PJA2: variants seen among roughly 807,000 people sequenced by gnomAD.
PJA2 encodes praja ring finger ubiquitin ligase 2.
In PJA2, 25 loss-of-function variants were observed where a neutral mutation model predicts 69.3. That is an observed-to-expected ratio of 0.36 (90% CI 0.26 to 0.50). The LOEUF is 0.50. Ranked by LOEUF, PJA2 falls within the 20% of genes least tolerant of loss-of-function variation. The pLI is 0.96. For synonymous variants in PJA2, 308 were observed against 277.8 expected (o/e 1.11, Z -1.08); for missense variants, 809 against 830.2 (o/e 0.97, Z 0.31).
intron 1 of PJA2, among the ~76,000 whole-genome samples, chr5:109,407,068 G>A (rs1428915358): frequency 3.3e-5 from 5 of 152,146 alleles, no homozygotes; most frequent in Non-Finnish European, 5.9e-5. Context: ...GGAACTTTGG[G>A]GGAGATGAAA....
rs1761955106 is a variant in PJA2 at position 109,336,977 on chromosome 5, G to C, written c.*254C>G. The C allele has an allele frequency of 4.7e-6, 1 of 211,880 alleles. No individual in the cohort carries two copies. The highest frequency in any genetic ancestry group is 2.3e-5 in the African/African-American group (1 of 42,768). The allele number at this position is 211,880 out of a possible 1,614,324, so 13.1% of individuals were successfully genotyped here. On this transcript the variant is annotated 3_prime_UTR_variant, in exon 10 of 10. Coordinates refer to ENST00000361189, the MANE Select transcript of PJA2 (RefSeq NM_014819.5). Reference sequence around the variant, plus strand: ...TATTCTGGAGAGAGTCAACTGATAAGCTTGGCTTTACAATTAATACAAACA... The same window carrying C: ...TATTCTGGAGAGAGTCAACTGATAACCTTGGCTTTACAATTAATACAAACA...
chr5:109,364,546 C>A (rs1286363576), intron 5 of PJA2, among the ~76,000 whole-genome samples: 2 of 148,786 alleles, frequency 1.3e-5, no homozygotes, highest in African/African-American at 4.9e-5. Flanking sequence ...TGGCGTGAAC[C>A]CGGGAGGCGG....
intron 1 of PJA2, among the ~76,000 whole-genome samples, chr5:109,397,929 A>C (rs1483604723): frequency 3.3e-5 from 5 of 152,180 alleles, no homozygotes; most frequent in African/African-American, 7.2e-5. Context: ...TAATATCCAG[A>C]ATCTACAAAG....
chr5:109,354,202 A>ATGTC (rs1457254407), intron 7 of PJA2, among the ~76,000 whole-genome samples: 21 of 145,470 alleles, frequency 1.4e-4, no homozygotes, highest in South Asian at 4.5e-4. Flanking sequence ...ATATCTAGAG[A>ATGTC]TATCTATAGA....
intron 1 of PJA2, among the ~76,000 whole-genome samples, chr5:109,392,085 T>C (rs918993679): frequency 6.6e-6 from 1 of 152,070 alleles, no homozygotes; most frequent in African/African-American, 2.4e-5. Context: ...TGGGGGAAAA[T>C]TGACAAGGTG....
intron 1 of PJA2, among the ~76,000 whole-genome samples, chr5:109,389,569 A>T (rs1009512611): frequency 6.6e-6 from 1 of 151,860 alleles, no homozygotes; most frequent in African/African-American, 2.4e-5. Context: ...TCATTTTTTA[A>T]AAGTTTTCTT....
At chr5:109,394,027 C>T (rs1747345692) in intron 1 of PJA2, among the ~76,000 whole-genome samples, 1 of 140,014 alleles carries the variant, frequency 7.1e-6, no homozygotes, top group Non-Finnish European at 1.5e-5. Flanking sequence ...GTGCTAGTAA[C>T]ATTCTAATTC....
chr5:109,405,934 C>A (rs1326943204), intron 1 of PJA2, among the ~76,000 whole-genome samples: 1 of 148,982 alleles, frequency 6.7e-6, no homozygotes, highest in Admixed American at 6.7e-5. Flanking sequence ...AAAAAAAAAA[C>A]AAGCTTCAGA....
chr5:109,407,000 A>T (rs1561369141), intron 1 of PJA2, among the ~76,000 whole-genome samples: 1 of 152,218 alleles, frequency 6.6e-6, no homozygotes. Flanking sequence ...TTATAGCAAG[A>T]AAAAGATGAT....
intron 9 of PJA2, among the ~76,000 whole-genome samples, chr5:109,340,619 C>CAT (rs547793147): frequency 1.9e-3 from 1 of 522 alleles, no homozygotes; most frequent in African/African-American, 0.013. Context: ...TTATTGGGTC[C>CAT]CTCCCCCTCC....
intron 3 of PJA2, 45 bp from the exon 4 acceptor site, chr5:109,379,299 G>A (rs990002106): frequency 1.5e-6 from 2 of 1,364,522 alleles, no homozygotes; most frequent in Non-Finnish European, 2.0e-6. Context: ...GATTAACTTA[G>A]ATAAAATTTT....
intron 6 of PJA2, among the ~76,000 whole-genome samples, chr5:109,359,272 A>G (rs1256057496): frequency 6.6e-6 from 1 of 151,834 alleles, no homozygotes; most frequent in Non-Finnish European, 1.5e-5. Context: ...TCAACTGTTT[A>G]TTTTATTACA....
intron 1 of PJA2, among the ~76,000 whole-genome samples, chr5:109,391,070 G>T (rs1429870881): frequency 6.6e-6 from 1 of 152,106 alleles, no homozygotes; most frequent in Admixed American, 6.5e-5. Flanking sequence ...AGTTGAAAAT[G>T]CATTAAAGAC....
Position 109,379,138 on chromosome 5 carries a change from G to C in PJA2, c.349C>G (p.Gln117Glu). The C allele has an allele frequency of 6.2e-7, 1 of 1,614,108 alleles. No individual in the cohort carries two copies. Among genetic ancestry groups the C allele is most frequent in the Non-Finnish European group, 8.5e-7 (1 of 1,180,012 alleles). ...CTGTGATGTACTGCAACAAAGGATT[G>C]ACTGCTCTCAGTGGTTTGATTCAAT... is the stretch of plus-strand genomic sequence containing the variant. Reference protein sequence around the residue: ...SALNQTTESSQSFVAVHHSEE... With the variant: ...SALNQTTESSESFVAVHHSEE... Residue 117 changes from glutamine (Q) to glutamate (E), a missense_variant, in exon 4 of 10, where the codon CAA (glutamine) becomes GAA (glutamate). By Grantham distance (29) the Gln-to-Glu change is conservative. Coordinates refer to ENST00000361189, the MANE Select transcript of PJA2 (RefSeq NM_014819.5).
At chr5:109,386,121 A>C (rs1175180851) in intron 1 of PJA2, among the ~76,000 whole-genome samples, 1 of 133,766 alleles carries the variant, frequency 7.5e-6, no homozygotes, top group Non-Finnish European at 1.7e-5. Context: ...ACTCTGTCTC[A>C]AAAAAAAAAA....
Position 109,337,197 on chromosome 5 carries a change from T to C in PJA2, c.*34A>G. 1 of 1,587,752 alleles carries C rather than the reference T, an allele frequency of 6.3e-7. No homozygotes were observed. Among genetic ancestry groups the C allele is most frequent in the East Asian group, 2.3e-5 (1 of 43,136 alleles). ...ATTTAGAAGGAATTTGCAGATTTAC[T>C]TTGATACACTGATCTCATTTCAACT... is the stretch of plus-strand genomic sequence containing the variant. On this transcript the variant is annotated 3_prime_UTR_variant, in exon 10 of 10. Transcript: ENST00000361189.
chr5:109,361,899 T>C (rs1762512294), intron 6 of PJA2, among the ~76,000 whole-genome samples: 1 of 152,158 alleles, frequency 6.6e-6, no homozygotes, highest in Non-Finnish European at 1.5e-5. Context: ...TCTGGAACAG[T>C]CTGGAGAAGT....
At chr5:109,357,839 C>CA (rs1339323118) in intron 6 of PJA2, among the ~76,000 whole-genome samples, 4 of 152,116 alleles carry the variant, frequency 2.6e-5, no homozygotes, top group Non-Finnish European at 5.9e-5. Context: ...CTTCTCTTTG[C>CA]AAAAAAACTC....
At chr5:109,377,853 C>A (rs146201032) in intron 4 of PJA2, among the ~76,000 whole-genome samples, 2 of 152,124 alleles carry the variant, frequency 1.3e-5, no homozygotes, top group Non-Finnish European at 2.9e-5. Context: ...TGATATTAAT[C>A]ACTTTTTAAA....
Sources: gnomAD v4.1 joint callset for allele counts (sites outside exome capture counted in the v4.1 genomes callset) on GRCh38, gnomAD v4.1.1 for gene constraint, MANE v1.5 for transcripts, NCBI Gene and HGNC (gene_info 2026-07-23, HGNC 2026-07-21) for gene names.